The following DNMBP variants were observed in gnomAD, a reference collection of about 807,000 sequenced individuals.
DNMBP encodes dynamin-binding protein.
In DNMBP, 87 loss-of-function variants were observed where a neutral mutation model predicts 150.0. The observed-to-expected ratio is 0.58, with a 90% CI of 0.49 to 0.69. The LOEUF (loss-of-function observed/expected upper bound fraction) is 0.69. Ranked by LOEUF, DNMBP falls within the 30% of genes least tolerant of loss-of-function variation. The probability of loss-of-function intolerance (pLI) is 0.00; values close to 1 mark genes in which losing one functional copy is unlikely to be tolerated. For missense variants in DNMBP, 1,774 were observed against 1,949.0 expected (o/e 0.91, Z 1.69); for synonymous variants, 711 against 750.4 (o/e 0.95, Z 0.86).
chr10:99,955,207 C>A lies in DNMBP; in HGVS notation c.2260+7G>T. 6.2e-7 allele frequency: 1 copy of A among 1,608,972 alleles called. No homozygotes were observed. The highest frequency in any genetic ancestry group is 1.1e-5 in the South Asian group (1 of 90,472). On this transcript the variant is annotated splice_region_variant and intron_variant, in intron 4 of 16. Transcript: ENST00000324109. ...AAACAATTACATATTATTTCCTCGT[C>A]ACTTACCTCTTAGTTGCTGGAGTTC...
chr10:99,998,744 G>A (rs2040979967), intron 1 of DNMBP, among the ~76,000 whole-genome samples: 1 of 152,100 alleles, frequency 6.6e-6, no homozygotes, highest in South Asian at 2.1e-4. Flanking sequence ...GCTGTTTTGG[G>A]GGGTGATAAT....
At chr10:99,880,448 T>A (rs1158443520) in intron 15 of DNMBP, 87 bp from the exon 16 acceptor site, 3 of 1,412,938 alleles carry the variant, frequency 2.1e-6, no homozygotes, top group Non-Finnish European at 2.8e-6. Flanking sequence ...AAAACTGATC[T>A]AGGTTATTCA....
chr10:99,985,120 T>G (rs980221148), intron 1 of DNMBP, among the ~76,000 whole-genome samples: 1 of 152,112 alleles, frequency 6.6e-6, no homozygotes, highest in Non-Finnish European at 1.5e-5. Flanking sequence ...AACTGAAGAT[T>G]CTGAGGAAGA....
intron 1 of DNMBP, among the ~76,000 whole-genome samples, chr10:99,992,159 G>A (rs1031600492): frequency 6.6e-5 from 10 of 151,598 alleles, no homozygotes; most frequent in African/African-American, 1.9e-4. Context: ...AGGACTGCTT[G>A]AGTCCAGGAT....
intron 1 of DNMBP, among the ~76,000 whole-genome samples, chr10:100,005,398 G>A (rs1360596498): frequency 6.6e-6 from 1 of 152,156 alleles, no homozygotes; most frequent in Non-Finnish European, 1.5e-5. Context: ...ACAGCATGGG[G>A]TATAAATGCA....
chr10:99,977,436 C>A (rs1057027675), intron 1 of DNMBP, among the ~76,000 whole-genome samples: 1 of 152,190 alleles, frequency 6.6e-6, no homozygotes, highest in East Asian at 1.9e-4. Context: ...AATCAGAACA[C>A]AGATGGGCTT....
intron 1 of DNMBP, among the ~76,000 whole-genome samples, chr10:99,982,488 G>C (rs769504079): frequency 4.0e-5 from 6 of 151,710 alleles, no homozygotes; most frequent in Non-Finnish European, 5.9e-5. Flanking sequence ...ATAAAGAATT[G>C]AGCAAAGTAT....
intron 3 of DNMBP, chr10:99,958,416 C>T (rs1280096917): frequency 6.6e-6 from 1 of 152,166 alleles, no homozygotes; most frequent in South Asian, 2.1e-4. Flanking sequence ...ATGCCTGAAC[C>T]GTCTGTTTAT....
intron 3 of DNMBP, among the ~76,000 whole-genome samples, chr10:99,967,672 T>G (rs983127290): frequency 4.1e-5 from 6 of 145,006 alleles, no homozygotes; most frequent in East Asian, 3.9e-4. Context: ...TTTCTGGGTG[T>G]GTGTGTGTGT....
intron 4 of DNMBP, among the ~76,000 whole-genome samples, chr10:99,954,308 G>C (rs902221309): frequency 6.6e-6 from 1 of 151,990 alleles, no homozygotes; most frequent in Admixed American, 6.6e-5. Flanking sequence ...GAAGTGCTGG[G>C]ATCACAGGTG....
At chr10:99,977,512 T>A (rs2040740306) in intron 1 of DNMBP, among the ~76,000 whole-genome samples, 1 of 152,222 alleles carries the variant, frequency 6.6e-6, no homozygotes, top group Non-Finnish European at 1.5e-5. Context: ...AAATTTGCTA[T>A]GAAAACACCA....
At chr10:99,914,122 C>T (rs1030750062) in intron 4 of DNMBP, 110 of 1,342,506 alleles carry the variant, frequency 8.2e-5, no homozygotes, top group Middle Eastern at 1.9e-4. Flanking sequence ...GCAAGTCACC[C>T]GGGCTATCAC....
At chr10:99,924,452 AAAAACAAAAAACAAAAAAG>A (rs1321766866) in intron 4 of DNMBP, among the ~76,000 whole-genome samples, 1 of 152,218 alleles carries the variant, frequency 6.6e-6, no homozygotes, top group Admixed American at 6.5e-5. Flanking sequence ...CAAAAATAAC[AAAAACAAAAAACAAAAAAG>A]AAAACAAAAA....
intron 3 of DNMBP, among the ~76,000 whole-genome samples, chr10:99,960,638 G>C (rs1325856568): frequency 1.3e-5 from 2 of 152,050 alleles, no homozygotes; most frequent in African/African-American, 4.8e-5. Flanking sequence ...GAAACCCTGT[G>C]TCTACTAAAA....
At chr10:99,924,553 C>A (rs1368200800) in intron 4 of DNMBP, among the ~76,000 whole-genome samples, 1 of 152,262 alleles carries the variant, frequency 6.6e-6, no homozygotes. Context: ...TATTTTGTCT[C>A]TTCAACTGAT....
Position 99,891,747 on chromosome 10 carries a change from CCA to C in DNMBP, c.3157-2796_3157-2795del, listed in dbSNP as rs1564719395. On this transcript the variant is annotated intron_variant, in intron 11 of 16. Transcript: ENST00000324109. The stretch of plus-strand genomic sequence containing the variant: ...AGTGAGGAGCACCTCTTCCCGGCCG[CCA>C]TCACATCTAGGAAGTGAGGAGCGTC... Among the ~76,000 whole-genome samples, 126 of 145,524 alleles carry C rather than the reference CCA, an allele frequency of 8.7e-4. 1 individual carries two copies. The highest frequency in any genetic ancestry group is 3.3e-3 in the African/African-American group (122 of 36,962).
chr10:99,906,207 C>T lies in DNMBP; in HGVS notation c.2554+1788G>A, dbSNP rs186767138. On this transcript the variant is annotated intron_variant, in intron 6 of 16. Coordinates refer to ENST00000324109, the MANE Select transcript of DNMBP (RefSeq NM_015221.4). ...CAGGTAAATTCCATCTAGTGTAAGC[C>T]AGTGTCATGACCCATTCCCCTTTCT... is the stretch of plus-strand genomic sequence containing the variant. Among the ~76,000 whole-genome samples the T allele has an allele frequency of 3.3e-5, 5 of 152,190 alleles. No homozygotes were observed. The East Asian group carries it at 9.6e-4, about 29-fold the overall frequency.
chr10:100,009,725 G>C (rs1030749751), intron 1 of DNMBP, 113 bp downstream of exon 1: 2 of 150,826 alleles, frequency 1.3e-5, no homozygotes, highest in Non-Finnish European at 3.0e-5. Flanking sequence ...TAGCCGCGCG[G>C]CGCGGCGCGG....
rs985098351 is a variant in DNMBP, at chr10:99,957,176, T to C, written c.298A>G (p.Thr100Ala). The change falls in exon 4 of 17, where the codon ACT becomes GCT. Residue 100 changes from threonine (T) to alanine (A), a missense_variant. Physicochemically the swap from Thr to Ala is moderately conservative, Grantham distance 58. Coordinates refer to ENST00000324109, the MANE Select transcript of DNMBP (RefSeq NM_015221.4). ...GDLVILDGIP[T>A]AGWLQGRSCW... ...CTTCGGCCCTGCAGCCAGCCTGCAG[T>C]GGGAATGCCATCGAGAATCACCAGG... 2 of 1,606,368 alleles carry C rather than the reference T, an allele frequency of 1.2e-6. No homozygotes were observed. The highest frequency in any genetic ancestry group is 1.7e-5 in the Admixed American group (1 of 59,988).
Sources: gnomAD v4.1 joint callset for allele counts (sites outside exome capture counted in the v4.1 genomes callset) on GRCh38, gnomAD v4.1.1 for gene constraint, MANE v1.5 for transcripts, NCBI Gene and HGNC (gene_info 2026-07-23, HGNC 2026-07-21) for gene names.